Variants in ABCA3 observed in about 807,000 individuals in gnomAD.
ABCA3 encodes the protein ATP binding cassette subfamily A member 3.
Under a neutral mutation model 172.8 loss-of-function variants are expected in ABCA3, and 88 were observed. That is an observed-to-expected ratio of 0.51 (90% CI 0.43 to 0.61). The LOEUF is 0.61. Ranked by LOEUF, ABCA3 falls within the 20% of genes least tolerant of loss-of-function variation. The pLI is 0.00. For synonymous variants in ABCA3, 1,066 were observed against 983.8 expected (o/e 1.08, Z -1.56); for missense variants, 2,164 against 2,301.0 (o/e 0.94, Z 1.22).
intron 1 of ABCA3, among the ~76,000 whole-genome samples, chr16:2,334,320 C>T (rs1216220394): frequency 1.3e-5 from 2 of 152,110 alleles, no homozygotes; most frequent in Non-Finnish European, 2.9e-5. Context: ...GGGCCCATGT[C>T]ATCAAGGCGC....
At chr16:2,317,147 A>G in intron 10 of ABCA3, 136 bp downstream of exon 10, 3 of 1,344,234 alleles carry the variant, frequency 2.2e-6, no homozygotes, top group Non-Finnish European at 3.1e-6. Context: ...TTCCAGTCCA[A>G]CCTTCCCCTG....
chr16:2,292,949 C>T (rs1358709724), intron 18 of ABCA3, among the ~76,000 whole-genome samples: 2 of 152,120 alleles, frequency 1.3e-5, no homozygotes, highest in African/African-American at 4.8e-5. Flanking sequence ...AGCAAGACTC[C>T]GTCTCCAAAA....
intron 6 of ABCA3, among the ~76,000 whole-genome samples, 187 bp from the exon 7 acceptor site, chr16:2,323,875 G>A (rs748659518): frequency 2.0e-5 from 3 of 152,148 alleles, no homozygotes; most frequent in African/African-American, 4.8e-5. Context: ...GGAGCAGGGA[G>A]CCACACAGGG....
intron 1 of ABCA3, among the ~76,000 whole-genome samples, chr16:2,333,331 G>A (rs1883760209): frequency 6.6e-6 from 1 of 152,180 alleles, no homozygotes. Context: ...GGAAAGAAGG[G>A]GGCCTTGATA....
At chr16:2,299,264 C>A (rs1366572056) in intron 14 of ABCA3, 139 bp downstream of exon 14, 36 of 1,269,220 alleles carry the variant, frequency 2.8e-5, no homozygotes, top group Non-Finnish European at 3.5e-5. Flanking sequence ...CCTGGGCCTG[C>A]AGGGCTGAGG....
intron 19 of ABCA3, among the ~76,000 whole-genome samples, chr16:2,291,031 G>A (rs1330617860): frequency 3.3e-5 from 5 of 151,846 alleles, no homozygotes; most frequent in East Asian, 3.9e-4. Flanking sequence ...CACCATGCCC[G>A]GCTAATTTTT....
intron 10 of ABCA3, among the ~76,000 whole-genome samples, chr16:2,315,052 ATT>A (rs35278238): frequency 2.1e-5 from 3 of 140,342 alleles, no homozygotes; most frequent in Admixed American, 7.0e-5. Flanking sequence ...TAATTTTTGT[ATT>A]TTTTTTTTTT....
At chr16:2,323,422 A>G (rs1164231301) in intron 7 of ABCA3, 101 bp downstream of exon 7, 1 of 1,486,388 alleles carries the variant, frequency 6.7e-7, no homozygotes, top group Non-Finnish European at 9.4e-7. Context: ...CCTGAAAAGT[A>G]TTTCTTCAAG....
intron 1 of ABCA3, among the ~76,000 whole-genome samples, chr16:2,338,937 G>A (rs1001911371): frequency 1.3e-5 from 2 of 151,686 alleles, no homozygotes; most frequent in Admixed American, 6.6e-5. Flanking sequence ...TATATTTTTG[G>A]TAAAGATGAG....
Position 2,298,469 on chromosome 16 carries a change from G to A in ABCA3, c.1813C>T (p.Arg605Trp), listed in dbSNP as rs1401924435. The change falls in exon 15 of 33, where the codon CGG (arginine) becomes TGG (tryptophan). Residue 605 changes from arginine to tryptophan, a missense_variant. By Grantham distance (101) the Arg-to-Trp change is moderately radical (BLOSUM62 -3). Transcript: ENST00000301732. ...YEISQDMVQI[R>W]KSLGLCPQHD... ...TGCGGGCACAGGCCCAGGCTCTTCC[G>A]GATCTGAACCATGTCCTGGGAAATT... 3.1e-6 allele frequency: 5 copies of A among 1,614,036 alleles called. No homozygotes were observed. The highest frequency in any genetic ancestry group is 1.7e-5 in the Admixed American group (1 of 60,024).
intron 1 of ABCA3, among the ~76,000 whole-genome samples, chr16:2,335,258 TGTAA>T: frequency 6.6e-6 from 1 of 152,182 alleles, no homozygotes; most frequent in Non-Finnish European, 1.5e-5. Flanking sequence ...AAAATCTACT[TGTAA>T]GTATTTTTCT....
In ABCA3 at chr16:2,276,661, C is replaced by T. The variant is rs1221052263; in HGVS notation, c.*13G>A. 3.7e-6 allele frequency: 6 copies of T among 1,612,308 alleles called. No homozygotes were observed. The South Asian group carries it at 5.5e-5, about 15-fold the overall frequency. On this transcript the variant is annotated 3_prime_UTR_variant, in exon 33 of 33. Transcript: ENST00000301732. ...GTCCTGTCCCTGCCTGATGGCGAGA[C>T]AGCCGCCACCCCTCATCGCCCCTCC... is the stretch of plus-strand genomic sequence containing the variant.
At chr16:2,303,415 T>C (rs1227623283) in intron 12 of ABCA3, among the ~76,000 whole-genome samples, 1 of 151,750 alleles carries the variant, frequency 6.6e-6, no homozygotes, top group Non-Finnish European at 1.5e-5. Context: ...GCACCCGCCA[T>C]CACACCCGGC....
At position 2,277,470 on chromosome 16, in the gene ABCA3, T is replaced by C; in HGVS notation, c.4983+127A>G. 1.0e-6 allele frequency: 1 copy of C among 956,646 alleles called. No individual in the cohort carries two copies. Among genetic ancestry groups the C allele is most frequent in the South Asian group, 1.4e-5 (1 of 71,824 alleles). The allele number at this position is 956,646 out of a possible 1,614,324, so 59.3% of individuals were successfully genotyped here. ...CCAAACCAGCACGTATCAGGCTGAG[T>C]GTTAGGGGAGAAATGGAAAGTGACT... On this transcript the variant is annotated intron_variant, in intron 32 of 32. Transcript: ENST00000301732. This position sits in a 1 kb window ranked among gnomAD's most constrained non-coding sequence, Gnocchi z 5.3.
At chr16:2,311,139 A>G (rs150428378) in intron 10 of ABCA3, among the ~76,000 whole-genome samples, 52 of 151,590 alleles carry the variant, frequency 3.4e-4, no homozygotes, top group African/African-American at 1.2e-3. Context: ...ACACCCAGCT[A>G]ATTTTTGTAT....
chr16:2,319,366 T>G (rs1443974472), intron 8 of ABCA3, among the ~76,000 whole-genome samples: 1 of 150,912 alleles, frequency 6.6e-6, no homozygotes, highest in Non-Finnish European at 1.5e-5. Flanking sequence ...GCACCTATAG[T>G]CCCAACTACT....
Position 2,319,839 on chromosome 16 carries a change from C to A in ABCA3, c.615G>T (p.Gly205=), listed in dbSNP as rs780862032. The A allele has an allele frequency of 6.2e-6, 10 of 1,613,486 alleles. No homozygotes were observed. The highest frequency in any genetic ancestry group is 8.5e-6 in the Non-Finnish European group (10 of 1,180,026). Reference sequence around the variant, plus strand: ...CGGCCAGGAAGCCTTCCCGGATGTACCCTGGGTGCGGGAGCAGAGGATGGC... The same window carrying A: ...CGGCCAGGAAGCCTTCCCGGATGTAACCTGGGTGCGGGAGCAGAGGATGGC... The part of the protein sequence containing the change: ...EPTSPDGGEP[G]YIREGFLAVQ... The change falls in exon 8 of 33, where the codon GGG becomes GGT. Residue 205 remains glycine (G), a splice_region_variant and synonymous_variant. Transcript: ENST00000301732.
intron 1 of ABCA3, among the ~76,000 whole-genome samples, chr16:2,333,894 T>A (rs2093747390): frequency 6.6e-6 from 1 of 152,088 alleles, no homozygotes; most frequent in Admixed American, 6.5e-5. Context: ...TTCACCATGC[T>A]GGCCAGGCTG....
intron 7 of ABCA3, among the ~76,000 whole-genome samples, chr16:2,322,206 A>AG: frequency 6.6e-6 from 1 of 152,054 alleles, no homozygotes; most frequent in East Asian, 1.9e-4. Flanking sequence ...GAAAAAAAAA[A>AG]AAAAGAAAAA....
Sources: allele counts gnomAD v4.1 joint callset (sites outside exome capture counted in the v4.1 genomes callset), GRCh38; gene constraint gnomAD v4.1.1; non-coding constraint Gnocchi (gnomAD v3.1); transcripts MANE v1.5; gene names NCBI Gene and HGNC (gene_info 2026-07-23, HGNC 2026-07-21).